Variants in FBXW10 observed in about 807,000 individuals in gnomAD.
FBXW10 encodes F-box/WD repeat-containing protein 10.
In FBXW10, 68 loss-of-function variants were observed where a neutral mutation model predicts 113.1. The observed-to-expected ratio is 0.60, with a 90% CI of 0.49 to 0.74. FBXW10 has a LOEUF of 0.74. FBXW10 is among the 30% of genes least tolerant of loss of function. FBXW10 has a pLI of 0.00. For missense variants in FBXW10, 753 were observed against 1,284.5 expected, an observed-to-expected ratio of 0.59 and a Z score of 6.32; for synonymous variants, 289 against 481.6, an observed-to-expected ratio of 0.60 and a Z score of 5.24.
chr17:18,746,181 T>C (rs2151783861), intron 1 of FBXW10, among the ~76,000 whole-genome samples: 1 of 152,304 alleles, frequency 6.6e-6, no homozygotes, highest in East Asian at 1.9e-4. Context: ...AAGCTATTCA[T>C]GAGGAATCTG....
At chr17:18,771,471 G>T (rs1438423905) in intron 11 of FBXW10, among the ~76,000 whole-genome samples, 3 of 152,142 alleles carry the variant, frequency 2.0e-5, no homozygotes, top group African/African-American at 4.8e-5. Flanking sequence ...AAGTTCCGGA[G>T]CTCTTTGTCT....
intron 9 of FBXW10, among the ~76,000 whole-genome samples, chr17:18,767,726 T>C (rs1011563139): frequency 6.6e-6 from 1 of 152,096 alleles, no homozygotes; most frequent in African/African-American, 2.4e-5. Flanking sequence ...TCCCCACCAA[T>C]CTTGTCACTA....
At chr17:18,777,223 G>A (rs991699182) in intron 13 of FBXW10, among the ~76,000 whole-genome samples, 7 of 151,800 alleles carry the variant, frequency 4.6e-5, no homozygotes, top group Admixed American at 1.3e-4. Context: ...CACCACGCCC[G>A]GCTAATTTTT....
At chr17:18,755,259 G>A (rs974529892) in intron 5 of FBXW10, among the ~76,000 whole-genome samples, 6 of 147,142 alleles carry the variant, frequency 4.1e-5, no homozygotes, top group Admixed American at 4.1e-4. Flanking sequence ...GTGAAACTCC[G>A]TCTTAAAAAA....
At chr17:18,776,035 G>T (rs11657859) in intron 13 of FBXW10, among the ~76,000 whole-genome samples, 32,953 of 128,714 alleles carry the variant, frequency 0.26, 4,113 homozygotes, top group East Asian at 0.57. Flanking sequence ...AAAAAAAAAA[G>T]TGGCCGGGCG....
At chr17:18,772,093 C>T (rs1267600084) in intron 11 of FBXW10, among the ~76,000 whole-genome samples, 1 of 151,874 alleles carries the variant, frequency 6.6e-6, no homozygotes, top group African/African-American at 2.4e-5. Flanking sequence ...GGTGACAGAG[C>T]GAGACTCCTT....
chr17:18,750,725 C>T (rs901851045), intron 4 of FBXW10, among the ~76,000 whole-genome samples: 4 of 152,048 alleles, frequency 2.6e-5, no homozygotes, highest in Admixed American at 2.6e-4. Flanking sequence ...CCCCCTGTGG[C>T]ATTTGGTGTT....
At chr17:18,765,994 T>C (rs2035490301) in intron 8 of FBXW10, among the ~76,000 whole-genome samples, 1 of 152,004 alleles carries the variant, frequency 6.6e-6, no homozygotes, top group Admixed American at 6.6e-5. Context: ...CCCAAAGTGC[T>C]GGGATTATAA....
At chr17:18,775,350 G>C (rs552459509) in intron 13 of FBXW10, among the ~76,000 whole-genome samples, 158 bp downstream of exon 13, 1 of 152,162 alleles carries the variant, frequency 6.6e-6, no homozygotes, top group Non-Finnish European at 1.5e-5. Flanking sequence ...CTCTAGTTTC[G>C]TATTGTTTTC....
chr17:18,763,812 G>A (rs953631248), intron 7 of FBXW10, among the ~76,000 whole-genome samples: 24 of 151,426 alleles, frequency 1.6e-4, no homozygotes, highest in African/African-American at 5.8e-4. Flanking sequence ...CCACTGTACC[G>A]TGGAATCAGT....
chr17:18,778,204 G>A (rs2035737927), intron 13 of FBXW10, among the ~76,000 whole-genome samples: 1 of 152,236 alleles, frequency 6.6e-6, no homozygotes, highest in Non-Finnish European at 1.5e-5. Flanking sequence ...AGTGAGCAGA[G>A]ATCATGCCAC....
At chr17:18,772,774 C>G in intron 12 of FBXW10, 91 bp downstream of exon 12, 1 of 1,157,108 alleles carries the variant, frequency 8.6e-7, no homozygotes, top group South Asian at 1.5e-5. Flanking sequence ...AGGACTGGTT[C>G]GTTTGTGGAA....
intron 7 of FBXW10, among the ~76,000 whole-genome samples, 184 bp from the exon 8 acceptor site, chr17:18,764,558 T>C (rs1272063101): frequency 6.6e-6 from 1 of 152,176 alleles, no homozygotes; most frequent in African/African-American, 2.4e-5. Context: ...AACACAAAAA[T>C]TAACTTCCTC....
intron 1 of FBXW10, among the ~76,000 whole-genome samples, chr17:18,747,155 T>G (rs1325675862): frequency 2.0e-5 from 3 of 152,114 alleles, no homozygotes; most frequent in Admixed American, 2.0e-4. Context: ...CTCCATCTCC[T>G]GACCTTGTGA....
chr17:18,761,999 G>A (rs1423147365), intron 7 of FBXW10, among the ~76,000 whole-genome samples: 2 of 150,116 alleles, frequency 1.3e-5, no homozygotes, highest in Non-Finnish European at 3.0e-5. Flanking sequence ...GTCTTGCTCT[G>A]TCGCCCAGGC....
At chr17:18,773,846 C>G (rs773127975) in intron 12 of FBXW10, among the ~76,000 whole-genome samples, 1 of 152,108 alleles carries the variant, frequency 6.6e-6, no homozygotes, top group Non-Finnish European at 1.5e-5. Context: ...AGAGTTTACC[C>G]GAGTGCAAAG....
chr17:18,747,930 C>T lies in FBXW10; in HGVS notation c.506-11C>T. 1 of 1,613,866 alleles carries T rather than the reference C, an allele frequency of 6.2e-7. No homozygotes were observed. The highest frequency in any genetic ancestry group is 8.5e-7 in the Non-Finnish European group (1 of 1,179,808). The stretch of plus-strand genomic sequence containing the variant: ...TCAAGAGCAACCTTGTCTTGGTCTT[C>T]TGTGTTTCAGGGCTCAATCAAGACA... On this transcript the variant is annotated splice_polypyrimidine_tract_variant and intron_variant, in intron 1 of 13. Coordinates refer to ENST00000395665, the MANE Select transcript of FBXW10 (RefSeq NM_001267585.2).
rs2035752164 is a variant in FBXW10, at chr17:18,778,891, T to C, written c.2752T>C (p.Phe918Leu). The C allele has an allele frequency of 6.2e-7, 1 of 1,613,732 alleles. No individual in the cohort carries two copies. Among genetic ancestry groups the C allele is most frequent in the Middle Eastern group, 1.7e-4 (1 of 6,056 alleles). The change falls in exon 14 of 14, where the codon TTC becomes CTC. Residue 918 changes from phenylalanine to leucine, a missense_variant. Phe to Leu is a conservative substitution (Grantham distance 22). Transcript: ENST00000395665. The part of the protein sequence containing the change: ...IPQPMIIRSR[F>L]SGSLKGGDQV... ...CCAGCCCATGATTATCCGCTCCAGG[T>C]TCTCTGGCAGCTTAAAGGGTGGAGA...
At chr17:18,750,868 T>C in intron 4 of FBXW10, 63 bp from the exon 5 acceptor site, 1 of 1,552,796 alleles carries the variant, frequency 6.4e-7, no homozygotes, top group African/African-American at 1.4e-5. Context: ...TCCTGCAGAG[T>C]TGGAGCCAAG....
Sources: gnomAD v4.1 joint callset for allele counts (sites outside exome capture counted in the v4.1 genomes callset) on GRCh38, gnomAD v4.1.1 for gene constraint, MANE v1.5 for transcripts, NCBI Gene and HGNC (gene_info 2026-07-23, HGNC 2026-07-21) for gene names.